PRPSAP2: variants seen among roughly 807,000 people sequenced by gnomAD.
PRPSAP2 encodes the protein phosphoribosyl pyrophosphate synthase-associated protein 2.
A neutral mutation model predicts 40.6 loss-of-function variants in PRPSAP2; 24 were observed. That is an observed-to-expected ratio of 0.59 (90% CI 0.43 to 0.83). The LOEUF (loss-of-function observed/expected upper bound fraction) is 0.83, where lower values mean the gene tolerates loss of function less well. Ranked by LOEUF, PRPSAP2 falls within the 40% of genes least tolerant of loss-of-function variation. The pLI, the probability that PRPSAP2 is intolerant of heterozygous loss-of-function variation, is 0.00. For missense variants in PRPSAP2, 292 were observed against 465.6 expected, an observed-to-expected ratio of 0.63 and a Z score of 3.43; for synonymous variants, 149 against 164.7, an observed-to-expected ratio of 0.90 and a Z score of 0.73.
intron 7 of PRPSAP2, among the ~76,000 whole-genome samples, chr17:18,889,361 T>C (rs1163372541): frequency 6.6e-6 from 1 of 152,222 alleles, no homozygotes; most frequent in Non-Finnish European, 1.5e-5. Flanking sequence ...TTTTTTAAAA[T>C]AGTGCTGGGC....
At chr17:18,901,378 G>A (rs1187078971) in intron 8 of PRPSAP2, among the ~76,000 whole-genome samples, 1 of 151,944 alleles carries the variant, frequency 6.6e-6, no homozygotes, top group Admixed American at 6.6e-5. Context: ...CTACCTTTTA[G>A]TGTCTTCTCA....
At chr17:18,858,106 T>TCCCCGCCCC (rs2036720747), upstream of PRPSAP2, 2 of 151,678 alleles carry the variant, frequency 1.3e-5, no homozygotes, top group African/African-American at 4.8e-5. Context: ...AGTCCCGCCC[T>TCCCCGCCCC]CGCCCCTCCC....
chr17:18,862,900 C>T (rs2037136317), intron 1 of PRPSAP2, among the ~76,000 whole-genome samples: 1 of 151,084 alleles, frequency 6.6e-6, no homozygotes, highest in Non-Finnish European at 1.5e-5. Flanking sequence ...AGCTCACTGC[C>T]CACTTCGCCT....
chr17:18,880,331 C>G (rs1219079956), intron 6 of PRPSAP2, among the ~76,000 whole-genome samples: 1 of 152,194 alleles, frequency 6.6e-6, no homozygotes, highest in Non-Finnish European at 1.5e-5. Context: ...TTACACTTTT[C>G]TGGTGATCGT....
chr17:18,920,028 G>T (rs1365325160), intron 9 of PRPSAP2, among the ~76,000 whole-genome samples: 2 of 152,180 alleles, frequency 1.3e-5, no homozygotes, highest in South Asian at 2.1e-4. Flanking sequence ...GTTGGTGCTG[G>T]GGGGTAGGCC....
intron 4 of PRPSAP2, among the ~76,000 whole-genome samples, chr17:18,870,735 G>C (rs770753422): frequency 3.3e-5 from 5 of 151,728 alleles, no homozygotes; most frequent in Admixed American, 1.3e-4. Context: ...CTTGAGTCCG[G>C]GAGGTGGAGG....
chr17:18,884,040 G>T (rs916915935), intron 7 of PRPSAP2, among the ~76,000 whole-genome samples: 4 of 151,962 alleles, frequency 2.6e-5, no homozygotes, highest in Non-Finnish European at 4.4e-5. Context: ...AGTCTGAGGC[G>T]GGTGGATCAC....
chr17:18,916,158 C>T (rs996361794), intron 9 of PRPSAP2, among the ~76,000 whole-genome samples: 2 of 151,902 alleles, frequency 1.3e-5, no homozygotes, highest in Non-Finnish European at 2.9e-5. Context: ...AAACTACATC[C>T]AAACCAAAGC....
chr17:18,908,962 A>C, intron 8 of PRPSAP2: 2 of 334,174 alleles, frequency 6.0e-6, no homozygotes, highest in South Asian at 7.1e-5. Flanking sequence ...TTTTGTTTTT[A>C]CAAGGGATGT....
chr17:18,885,852 G>T (rs2039104647), intron 7 of PRPSAP2, among the ~76,000 whole-genome samples: 1 of 152,100 alleles, frequency 6.6e-6, no homozygotes, highest in Non-Finnish European at 1.5e-5. Context: ...CTCCCAAAGT[G>T]CTGGGATTAC....
chr17:18,911,540 G>A lies in PRPSAP2; in HGVS notation c.733+289G>A, dbSNP rs2040959534. ...CATTCATTCAGCAGTATATACTAGAGTGTAGTTTAACATAAGCAAAAAGCT... is the reference window on the plus strand; with the variant it reads ...CATTCATTCAGCAGTATATACTAGAATGTAGTTTAACATAAGCAAAAAGCT... On this transcript the variant is annotated intron_variant, in intron 9 of 11. Coordinates refer to ENST00000268835, the MANE Select transcript of PRPSAP2 (RefSeq NM_002767.4). The surrounding 1 kb of genome is among the most constrained non-coding windows in gnomAD (Gnocchi z 4.5). Among the ~76,000 whole-genome samples, 1 of 152,128 alleles carries A rather than the reference G, an allele frequency of 6.6e-6. No individual in the cohort carries two copies. The highest frequency in any genetic ancestry group is 2.1e-4 in the South Asian group (1 of 4,822).
rs2039927915 is a variant in PRPSAP2 at position 18,896,643 on chromosome 17, C to CGGCT, written c.584+6768_584+6771dup. Among the ~76,000 whole-genome samples the CGGCT allele has an allele frequency of 2.3e-5, 3 of 129,208 alleles. No individual in the cohort carries two copies. The South Asian group carries it at 7.3e-4, about 31-fold the overall frequency. 84.8% of individuals were successfully genotyped at this position (129,208 alleles called of 152,430 possible). On this transcript the variant is annotated intron_variant, in intron 8 of 11. Transcript: ENST00000268835. ...ACTCAACTGGTATTGTCACTTCAGG[C>CGGCT]GGCTGCAGTGTTAAACAGTTGCTGT...
intron 8 of PRPSAP2, among the ~76,000 whole-genome samples, chr17:18,901,370 A>G (rs902611002): frequency 1.3e-5 from 2 of 151,156 alleles, no homozygotes; most frequent in Non-Finnish European, 3.0e-5. Context: ...CCTTCTCTCT[A>G]CCTTTTAGTG....
chr17:18,928,156 GAC>G (rs1358670628), intron 10 of PRPSAP2: 6 of 154,908 alleles, frequency 3.9e-5, no homozygotes, highest in African/African-American at 1.2e-4. Flanking sequence ...GTAAAATAAA[GAC>G]ACGAATATTT....
At chr17:18,857,821 CA>C (rs2036693002), upstream of PRPSAP2, 1 of 152,332 alleles carries the variant, frequency 6.6e-6, no homozygotes, top group South Asian at 2.1e-4. Context: ...ATGACTTGTC[CA>C]AGGTTACAGG....
rs1432087339 is a variant in PRPSAP2, at chr17:18,928,475, T to TTA, written c.805-333_805-332dup. 12 of 299,202 alleles carry TTA rather than the reference T, an allele frequency of 4.0e-5. No homozygotes were observed. The East Asian group carries it at 9.3e-4, about 23-fold the overall frequency. 18.5% of individuals were successfully genotyped at this position (299,202 alleles called of 1,614,324 possible). ...GTGCATTAAAAACAAAAAAAGAAAA[T>TTA]TATACCTCCATCATTTCTGGTGTGA... is the stretch of plus-strand genomic sequence containing the variant. On this transcript the variant is annotated intron_variant, in intron 10 of 11. Transcript: ENST00000268835.
chr17:18,896,009 A>G (rs1189781192), intron 8 of PRPSAP2, among the ~76,000 whole-genome samples: 2 of 152,068 alleles, frequency 1.3e-5, no homozygotes, highest in Non-Finnish European at 2.9e-5. Context: ...GCCTCAAGCA[A>G]TCTTCCTGCC....
intron 11 of PRPSAP2, chr17:18,929,460 TTTTC>T (rs1368453332): frequency 6.6e-6 from 1 of 152,124 alleles, no homozygotes; most frequent in Non-Finnish European, 1.5e-5. Context: ...TTTTAGAACA[TTTTC>T]TTCTTCCTAG....
chr17:18,863,523 CTTCTCTTT>C (rs2037196719), intron 1 of PRPSAP2, among the ~76,000 whole-genome samples: 1 of 109,716 alleles, frequency 9.1e-6, no homozygotes, highest in Non-Finnish European at 2.1e-5. Flanking sequence ...TTTCTTTCTT[CTTCTCTTT>C]TCTTTTCTTT....
Sources: gnomAD v4.1 joint callset for allele counts (sites outside exome capture counted in the v4.1 genomes callset) on GRCh38, gnomAD v4.1.1 for gene constraint, Gnocchi (gnomAD v3.1) non-coding constraint, MANE v1.5 for transcripts, NCBI Gene and HGNC (gene_info 2026-07-23, HGNC 2026-07-21) for gene names.